Variants in NCALD observed in about 807,000 individuals in gnomAD.
NCALD encodes the protein neurocalcin-delta.
A neutral mutation model predicts 18.6 loss-of-function variants in NCALD; 10 were observed. The observed-to-expected ratio is 0.54, with a 90% CI of 0.33 to 0.91. The LOEUF (loss-of-function observed/expected upper bound fraction) is 0.91, where lower values mean the gene tolerates loss of function less well. NCALD is among the 40% of genes least tolerant of loss of function. NCALD has a pLI of 0.03. For synonymous variants in NCALD, 88 were observed against 87.4 expected (o/e 1.01, Z -0.04); for missense variants, 184 against 247.6 (o/e 0.74, Z 1.72).
chr8:101,968,916 G>C (rs185050085), intron 2 of NCALD, among the ~76,000 whole-genome samples: 33 of 152,274 alleles, frequency 2.2e-4, no homozygotes, highest in Non-Finnish European at 4.7e-4. Context: ...AAAAATAGTT[G>C]CTAGCAAAAT....
At chr8:101,894,680 T>C (rs2131532179) in intron 3 of NCALD, among the ~76,000 whole-genome samples, 1 of 149,360 alleles carries the variant, frequency 6.7e-6, no homozygotes, top group East Asian at 2.0e-4. Flanking sequence ...ATAAAGGGGG[T>C]ATCACCACAG....
At chr8:101,857,537 G>T (rs1815368275) in intron 4 of NCALD, among the ~76,000 whole-genome samples, 1 of 152,188 alleles carries the variant, frequency 6.6e-6, no homozygotes, top group Non-Finnish European at 1.5e-5. Context: ...GATCCTGCTA[G>T]CACACCTCCA....
chr8:102,106,192 C>T (rs963790716), intron 1 of NCALD, among the ~76,000 whole-genome samples: 5 of 151,760 alleles, frequency 3.3e-5, no homozygotes, highest in African/African-American at 1.2e-4. Flanking sequence ...GCCTCCGCCT[C>T]CCAAGTAGCT....
chr8:102,025,057 T>A (rs989338056), intron 1 of NCALD, among the ~76,000 whole-genome samples: 1 of 152,212 alleles, frequency 6.6e-6, no homozygotes, highest in Admixed American at 6.5e-5. Flanking sequence ...GGGCCCTGTA[T>A]GACCTGTCCC....
chr8:101,991,424 T>G (rs1054121702), intron 2 of NCALD, among the ~76,000 whole-genome samples: 1 of 152,192 alleles, frequency 6.6e-6, no homozygotes, highest in African/African-American at 2.4e-5. Context: ...CACAGAGACT[T>G]TAACCTTAAA....
intron 1 of NCALD, among the ~76,000 whole-genome samples, chr8:101,775,048 G>C (rs937287237): frequency 3.3e-5 from 5 of 152,134 alleles, no homozygotes; most frequent in Admixed American, 6.6e-5. Context: ...AACTTGCTCA[G>C]GGTTGTTTTC....
At chr8:101,853,402 T>C (rs1429491603) in intron 4 of NCALD, among the ~76,000 whole-genome samples, 2 of 152,106 alleles carry the variant, frequency 1.3e-5, no homozygotes, top group East Asian at 3.9e-4. Context: ...TGAGAAGAAG[T>C]GAAACACCTT....
chr8:101,957,152 G>C (rs992315875), intron 2 of NCALD, among the ~76,000 whole-genome samples: 2 of 151,648 alleles, frequency 1.3e-5, no homozygotes, highest in African/African-American at 4.8e-5. Context: ...TAAACAAAAA[G>C]GGAAAAACTT....
At chr8:102,076,662 G>A (rs1453494719) in intron 1 of NCALD, among the ~76,000 whole-genome samples, 1 of 152,154 alleles carries the variant, frequency 6.6e-6, no homozygotes, top group Non-Finnish European at 1.5e-5. Context: ...ATTCACCTAA[G>A]AGGCTTCTGG....
At chr8:101,993,737 A>C (rs1304646554) in intron 2 of NCALD, among the ~76,000 whole-genome samples, 1 of 152,222 alleles carries the variant, frequency 6.6e-6, no homozygotes, top group Non-Finnish European at 1.5e-5. Context: ...ACAAGCTAAA[A>C]GGACATAGAC....
At chr8:101,703,153 T>C (rs1586245715) in intron 2 of NCALD, among the ~76,000 whole-genome samples, 1 of 38,332 alleles carries the variant, frequency 2.6e-5, no homozygotes, top group Non-Finnish European at 9.5e-5. Context: ...TCTGTTCCTC[T>C]TTTTTTTTTT....
chr8:101,712,587 CAA>C (rs201729096), intron 2 of NCALD, among the ~76,000 whole-genome samples: 2,932 of 78,054 alleles, frequency 0.038, 16 homozygotes, highest in Middle Eastern at 0.13. Flanking sequence ...AAATGGAAAG[CAA>C]AAAAAAAAAA....
intron 4 of NCALD, among the ~76,000 whole-genome samples, chr8:101,867,892 C>T (rs1815838569): frequency 6.6e-6 from 1 of 152,158 alleles, no homozygotes; most frequent in African/African-American, 2.4e-5. Flanking sequence ...GTATGCTGTG[C>T]TCATTCATTT....
chr8:101,747,547 G>C (rs1810477181), intron 1 of NCALD, among the ~76,000 whole-genome samples: 1 of 152,080 alleles, frequency 6.6e-6, no homozygotes, highest in Admixed American at 6.5e-5. Context: ...GTGAGATAGA[G>C]AATAAATTTT....
intron 3 of NCALD, among the ~76,000 whole-genome samples, chr8:101,893,706 T>A (rs1393141318): frequency 1.5e-5 from 2 of 129,208 alleles, no homozygotes; most frequent in African/African-American, 3.5e-5. Context: ...AAGGCAGGGG[T>A]TGCAATCCTA....
chr8:101,855,437 G>A (rs915568392), intron 4 of NCALD, among the ~76,000 whole-genome samples: 3 of 152,156 alleles, frequency 2.0e-5, no homozygotes, highest in Non-Finnish European at 4.4e-5. Context: ...CAACTCCAGA[G>A]AGCCATTTGT....
chr8:101,995,323 T>C (rs1487921741), intron 2 of NCALD, among the ~76,000 whole-genome samples: 2 of 152,192 alleles, frequency 1.3e-5, no homozygotes, highest in African/African-American at 2.4e-5. Flanking sequence ...AAACCCGGAC[T>C]CTATACCTGC....
chr8:101,900,434 A>C (rs150872155), intron 3 of NCALD, among the ~76,000 whole-genome samples: 1 of 151,936 alleles, frequency 6.6e-6, no homozygotes, highest in East Asian at 1.9e-4. Flanking sequence ...TTCTTCAGAT[A>C]GGAGCTCAGA....
intron 1 of NCALD, among the ~76,000 whole-genome samples, chr8:102,041,715 C>T (rs939485138): frequency 1.3e-5 from 2 of 152,276 alleles, no homozygotes. Context: ...TGAAAATTGC[C>T]ATCCTAGTTG....
Sources: allele counts gnomAD v4.1 joint callset (sites outside exome capture counted in the v4.1 genomes callset), GRCh38; gene constraint gnomAD v4.1.1; transcripts MANE v1.5; gene names NCBI Gene and HGNC (gene_info 2026-07-23, HGNC 2026-07-21).